The following SLC8A2 variants were observed in gnomAD, a reference collection of about 807,000 sequenced individuals.
SLC8A2 encodes the protein sodium/calcium exchanger 2.
Under a neutral mutation model 70.2 loss-of-function variants are expected in SLC8A2, and 14 were observed. The observed-to-expected ratio is 0.20, with a 90% CI of 0.13 to 0.31. The LOEUF is 0.31. Ranked by LOEUF, SLC8A2 falls within the 10% of genes least tolerant of loss-of-function variation. The pLI, the probability that SLC8A2 is intolerant of heterozygous loss-of-function variation, is 1.00. For synonymous variants in SLC8A2, 575 were observed against 594.3 expected (o/e 0.97, Z 0.47); for missense variants, 779 against 1,320.1 (o/e 0.59, Z 6.35).
chr19:47,452,439 AGAGAGAGTGTGTGTGTGTGTGTGT>A (rs1967253019), intron 3 of SLC8A2, among the ~76,000 whole-genome samples: 11 of 77,796 alleles, frequency 1.4e-4, no homozygotes, highest in African/African-American at 5.0e-4. Context: ...AGAGAGAGAG[AGAGAGAGTGTGTGTGTGTGTGTGT>A]GTGTGTGTGT....
Position 47,458,947 on chromosome 19 carries a change from CCT to C in SLC8A2, c.676-1355_676-1354del, listed in dbSNP as rs147897706. ...TCCATCTTGTTCTGTCTGTTCGCCC[CCT>C]CTGTCTCTGTCTCTGCTCATCTCTG... On this transcript the variant is annotated intron_variant, in intron 2 of 9. Transcript: ENST00000236877. Among the ~76,000 whole-genome samples the C allele has an allele frequency of 6.1e-3, 897 of 147,114 alleles. 19 individuals carry two copies. Among genetic ancestry groups the C allele is most frequent in the African/African-American group, 0.021 (844 of 39,592 alleles).
intron 3 of SLC8A2, among the ~76,000 whole-genome samples, chr19:47,456,272 G>A (rs986693075): frequency 6.6e-6 from 1 of 152,234 alleles, no homozygotes; most frequent in African/African-American, 2.4e-5. Context: ...TTCATCATGT[G>A]CACTGAATGC....
chr19:47,453,689 C>G (rs1967271051), intron 3 of SLC8A2, among the ~76,000 whole-genome samples: 1 of 151,978 alleles, frequency 6.6e-6, no homozygotes, highest in Non-Finnish European at 1.5e-5. Flanking sequence ...TTGCTTGAGC[C>G]CAGGAGTTAA....
chr19:47,461,378 G>A (rs367712511), intron 2 of SLC8A2, among the ~76,000 whole-genome samples: 33 of 149,386 alleles, frequency 2.2e-4, no homozygotes, highest in African/African-American at 7.2e-4. Flanking sequence ...GTGTGGTGGC[G>A]TGCGCCTGTA....
Position 47,430,478 on chromosome 19 carries a change from G to A in SLC8A2, c.2390-13C>T, listed in dbSNP as rs1364931522. The A allele has an allele frequency of 3.1e-6, 5 of 1,587,728 alleles. No individual in the cohort carries two copies. Among genetic ancestry groups the A allele is most frequent in the South Asian group, 1.1e-5 (1 of 89,028 alleles). Reference sequence around the variant, plus strand: ...CTGGCGAACGTGTCTGCGAGGCAGAGACATACAGGTCGGAGGGGCTTTGCG... The same window carrying A: ...CTGGCGAACGTGTCTGCGAGGCAGAAACATACAGGTCGGAGGGGCTTTGCG... On this transcript the variant is annotated splice_polypyrimidine_tract_variant and intron_variant, in intron 9 of 9. Transcript: ENST00000236877. This position sits in a 1 kb window ranked among gnomAD's most constrained non-coding sequence, Gnocchi z 5.9.
At position 47,447,740 on chromosome 19, in the gene SLC8A2, C is replaced by CCT. The variant is rs1967184269; in HGVS notation, c.1763+67_1763+68dup. ...GGGCATGGCTCACCCAGGCCCCGCC[C>CCT]CTGAGCCACATCAGGCCTCGCCCAT... On this transcript the variant is annotated intron_variant, in intron 4 of 9. Coordinates refer to ENST00000236877, the MANE Select transcript of SLC8A2 (RefSeq NM_015063.3). The surrounding 1 kb of genome is among the most constrained non-coding windows in gnomAD (Gnocchi z 5.1). 1 of 1,447,914 alleles carries CCT rather than the reference C, an allele frequency of 6.9e-7. No homozygotes were observed. Among genetic ancestry groups the CCT allele is most frequent in the Non-Finnish European group, 9.1e-7 (1 of 1,097,714 alleles). 89.7% of individuals were successfully genotyped at this position (1,447,914 alleles called of 1,614,324 possible). A position where few individuals can be genotyped will look rare whatever the true frequency, so the allele number is the denominator to read the frequency against.
At chr19:47,449,481 C>T (rs1967209559) in intron 3 of SLC8A2, among the ~76,000 whole-genome samples, 1 of 152,114 alleles carries the variant, frequency 6.6e-6, no homozygotes, top group Non-Finnish European at 1.5e-5. Context: ...GCCACCATGC[C>T]TGGCTAATTT....
At chr19:47,446,943 C>T (rs1052780360) in intron 4 of SLC8A2, among the ~76,000 whole-genome samples, 1 of 152,090 alleles carries the variant, frequency 6.6e-6, no homozygotes, top group African/African-American at 2.4e-5. Context: ...AGCCAGCCCA[C>T]CTCCCCAGAC....
At position 47,455,177 on chromosome 19, in the gene SLC8A2, C is replaced by T. The variant is rs183215971; in HGVS notation, c.1340+1753G>A. Among the ~76,000 whole-genome samples, 207 of 151,926 alleles carry T rather than the reference C, an allele frequency of 1.4e-3. 3 individuals are homozygous for T. The highest frequency in any genetic ancestry group is 7.5e-4 in the Non-Finnish European group (51 of 67,946). On this transcript the variant is annotated intron_variant, in intron 3 of 9. Transcript: ENST00000236877. ...GTGAGAGGAGAGGAGAGAAGATGAG[C>T]GAACTGAGTCCCAGGAAGAGAAGGG... is the stretch of plus-strand genomic sequence containing the variant.
At position 47,457,096 on chromosome 19, in the gene SLC8A2, C is replaced by G. The variant is rs1197049789; in HGVS notation, c.1174G>C (p.Gly392Arg). Residue 392 changes from glycine to arginine, a missense_variant, in exon 3 of 10, where the codon GGC (glycine) becomes CGC (arginine). Transcript: ENST00000236877. ...GGCTCGAAGAAGATGCGGCTGGCGC[C>G]GTCGTCTTCGTCCTCGCCCGCGCCC... The part of the protein sequence containing the change: ...AEGAGEDEDD[G>R]ASRIFFEPSL... 1.3e-6 allele frequency: 2 copies of G among 1,561,622 alleles called. No individual in the cohort carries two copies. The highest frequency in any genetic ancestry group is 1.7e-6 in the Non-Finnish European group (2 of 1,153,876).
intron 6 of SLC8A2, 130 bp from the exon 7 acceptor site, chr19:47,438,103 C>T (rs1967054394): frequency 9.4e-7 from 1 of 1,063,310 alleles, no homozygotes; most frequent in Non-Finnish European, 1.4e-6. Flanking sequence ...TTGGTGACTC[C>T]TCCCAGCCTC....
At chr19:47,446,082 A>T (rs1302168974) in intron 4 of SLC8A2, among the ~76,000 whole-genome samples, 1 of 152,136 alleles carries the variant, frequency 6.6e-6, no homozygotes, top group Non-Finnish European at 1.5e-5. Context: ...AGAGGGAGAG[A>T]CGGAGAGACA....
rs370879694 is a variant in SLC8A2 at position 47,466,671 on chromosome 19, G to T, written c.-16-252C>A. On this transcript the variant is annotated intron_variant, in intron 1 of 9. Transcript: ENST00000236877. The surrounding 1 kb of genome is among the most constrained non-coding windows in gnomAD (Gnocchi z 6.9). ...AATGCAAATTGGTCTATGCACTTTGGGCAACTACAGCCGAACACCACGTAT... is the reference window on the plus strand; with the variant it reads ...AATGCAAATTGGTCTATGCACTTTGTGCAACTACAGCCGAACACCACGTAT... Among the ~76,000 whole-genome samples, 3 of 152,164 alleles carry T rather than the reference G, an allele frequency of 2.0e-5. No homozygotes were observed. Among genetic ancestry groups the T allele is most frequent in the African/African-American group, 7.2e-5 (3 of 41,506 alleles).
At chr19:47,446,557 A>G (rs919075206) in intron 4 of SLC8A2, among the ~76,000 whole-genome samples, 26 of 152,082 alleles carry the variant, frequency 1.7e-4, no homozygotes, top group African/African-American at 5.8e-4. Context: ...CTTCCCAAGT[A>G]GCTGGGACTA....
Position 47,437,451 on chromosome 19 carries a change from TC to T in SLC8A2, c.2110+10del. ...ATCTTTCTCTCTTCTCTCTCCTCCC[TC>T]CCCACTTACCTGCGCTCACCGTAAT... On this transcript the variant is annotated intron_variant, in intron 8 of 9. Coordinates refer to ENST00000236877, the MANE Select transcript of SLC8A2 (RefSeq NM_015063.3). The T allele has an allele frequency of 4.5e-6, 7 of 1,548,368 alleles. No homozygotes were observed. The highest frequency in any genetic ancestry group is 6.2e-6 in the Non-Finnish European group (7 of 1,120,378).
chr19:47,439,186 C>T lies in SLC8A2; in HGVS notation c.1886-1213G>A, dbSNP rs541268180. 2.6e-5 allele frequency among the ~76,000 whole-genome samples: 4 copies of T among 152,250 alleles called. 1 individual carries two copies. In the South Asian group the frequency reaches 8.3e-4, roughly 32 times the overall value. Reference sequence around the variant, plus strand: ...CAGTGGAGTCACAAGATGGAATGGCCACATGGCAGAAGAAAGCCACCCACC... The same window carrying T: ...CAGTGGAGTCACAAGATGGAATGGCTACATGGCAGAAGAAAGCCACCCACC... On this transcript the variant is annotated intron_variant, in intron 6 of 9. Coordinates refer to ENST00000236877, the MANE Select transcript of SLC8A2 (RefSeq NM_015063.3).
At position 47,466,410 on chromosome 19, in the gene SLC8A2, T is replaced by G. The variant is rs561289318; in HGVS notation, c.-7A>C. 8.4e-5 allele frequency: 109 copies of G among 1,301,008 alleles called. No individual in the cohort carries two copies. The African/African-American group carries it at 1.4e-3, about 17-fold the overall frequency. 80.6% of individuals were successfully genotyped at this position (1,301,008 alleles called of 1,614,324 possible). A position where few individuals can be genotyped will look rare whatever the true frequency, so the allele number is the denominator to read the frequency against. On this transcript the variant is annotated 5_prime_UTR_variant, in exon 2 of 10. Coordinates refer to ENST00000236877, the MANE Select transcript of SLC8A2 (RefSeq NM_015063.3). This position sits in a 1 kb window ranked among gnomAD's most constrained non-coding sequence, Gnocchi z 6.9. ...CCAAGGCCAGGGGAGCCATGGGGGG[T>G]GGTGGGGTCCTATGGGGGAGGAGGA...
intron 4 of SLC8A2, among the ~76,000 whole-genome samples, chr19:47,442,113 T>C (rs1967106760): frequency 6.6e-6 from 1 of 151,808 alleles, no homozygotes; most frequent in African/African-American, 2.4e-5. Flanking sequence ...AAAATAATAA[T>C]AATAAAAAAA....
intron 8 of SLC8A2, among the ~76,000 whole-genome samples, chr19:47,436,317 G>C (rs2122615831): frequency 6.6e-6 from 1 of 152,322 alleles, no homozygotes; most frequent in East Asian, 1.9e-4. Flanking sequence ...TCTGTGTCTT[G>C]TGACATGTCT....
Sources: allele counts gnomAD v4.1 joint callset (sites outside exome capture counted in the v4.1 genomes callset), GRCh38; gene constraint gnomAD v4.1.1; non-coding constraint Gnocchi (gnomAD v3.1); transcripts MANE v1.5; gene names NCBI Gene and HGNC (gene_info 2026-07-23, HGNC 2026-07-21).